The following KRT17 variants were observed in gnomAD, a reference collection of about 807,000 sequenced individuals.
The protein encoded by KRT17 is keratin 17, also known as keratin, type I cytoskeletal 17.
A neutral mutation model predicts 45.6 loss-of-function variants in KRT17; 29 were observed. The observed-to-expected ratio is 0.64, with a 90% CI of 0.47 to 0.87. The LOEUF is 0.87. KRT17 is among the 40% of genes least tolerant of loss of function. The pLI is 0.00. For missense variants in KRT17, 536 were observed against 577.8 expected, an observed-to-expected ratio of 0.93 and a Z score of 0.74; for synonymous variants, 219 against 234.6, an observed-to-expected ratio of 0.93 and a Z score of 0.61.
chr17:41,623,076 T>C (rs1274942595), intron 1 of KRT17, 44 bp from the exon 2 acceptor site: 1 of 1,434,990 alleles, frequency 7.0e-7, no homozygotes, highest in African/African-American at 1.4e-5. Context: ...TGGGGGTGGC[T>C]GAGCCCACAC....
At chr17:41,620,495 A>AT in intron 7 of KRT17, 41 bp downstream of exon 7, 1 of 1,611,710 alleles carries the variant, frequency 6.2e-7, no homozygotes, top group Non-Finnish European at 8.5e-7. Flanking sequence ...TGCCTGTCCC[A>AT]TGCACCCAAC....
rs58730926 is a variant in KRT17, at chr17:41,624,230, G to A, written c.280C>T (p.Arg94Cys). ...EKATMQNLND[R>C]LASYLDKVRA... is the part of the protein sequence containing the mutation. Reference sequence around the variant, plus strand: ...ACCTTGTCCAGGTAGGAGGCCAGGCGGTCATTGAGGTTCTGCATGGTGGCC... The same window carrying A: ...ACCTTGTCCAGGTAGGAGGCCAGGCAGTCATTGAGGTTCTGCATGGTGGCC... The change falls in exon 1 of 8, where the codon CGC (arginine) becomes TGC (cysteine). Residue 94 changes from arginine to cysteine, a missense_variant. Coordinates refer to ENST00000311208, the MANE Select transcript of KRT17 (RefSeq NM_000422.3). 1.9e-6 allele frequency: 3 copies of A among 1,612,620 alleles called. No individual in the cohort carries two copies. Among genetic ancestry groups the A allele is most frequent in the East Asian group, 4.5e-5 (2 of 44,870 alleles).
chr17:41,621,936 C>T, intron 3 of KRT17, 182 bp from the exon 4 acceptor site: 2 of 683,326 alleles, frequency 2.9e-6, no homozygotes, highest in South Asian at 1.8e-5. Flanking sequence ...CCATCAGACT[C>T]TATCTCCCCC....
chr17:41,620,069 C>T (rs1184457382), intron 7 of KRT17: 2 of 985,158 alleles, frequency 2.0e-6, no homozygotes, highest in African/African-American at 1.7e-5. Context: ...AAAACCAGGC[C>T]CCTATCTCCT....
Position 41,622,465 on chromosome 17 carries a change from T to C in KRT17, c.562A>G (p.Asn188Asp). 6.2e-7 allele frequency: 1 copy of C among 1,614,024 alleles called. No homozygotes were observed. The highest frequency in any genetic ancestry group is 8.5e-7 in the Non-Finnish European group (1 of 1,180,046). The change falls in exon 3 of 8, where the codon AAT becomes GAT. Residue 188 changes from asparagine (N) to aspartate (D), a missense_variant. By Grantham distance (23) the Asn-to-Asp change is conservative (BLOSUM62 1). Transcript: ENST00000311208. ...ALRLSVEADI[N>D]GLRRVLDELT... Reference sequence around the variant, plus strand: ...TCATCCAGCACCCTGCGCAGGCCATTGATGTCGGCCTCCACACTCAGGCGC... The same window carrying C: ...TCATCCAGCACCCTGCGCAGGCCATCGATGTCGGCCTCCACACTCAGGCGC...
In KRT17 at chr17:41,620,577, C is replaced by A. The variant is rs763260676; in HGVS notation, c.1182-19G>T. On this transcript the variant is annotated intron_variant, in intron 6 of 7. Coordinates refer to ENST00000311208, the MANE Select transcript of KRT17 (RefSeq NM_000422.3). ...AGTCAGGCTGAAAGAAAAAAAAAAA[C>A]AGAGAGGAAATTAGATGTGGGTCTG... is the stretch of plus-strand genomic sequence containing the variant. 2.5e-6 allele frequency: 4 copies of A among 1,597,686 alleles called. No individual in the cohort carries two copies. The highest frequency in any genetic ancestry group is 1.3e-5 in the African/African-American group (1 of 74,368).
Position 41,621,754 on chromosome 17 carries a change from C to G in KRT17, c.673G>C (p.Glu225Gln), listed in dbSNP as rs1173463099. The change falls in exon 4 of 8, where the codon GAG (glutamate) becomes CAG (glutamine). Residue 225 changes from glutamate to glutamine, a missense_variant and splice_region_variant. Transcript: ENST00000311208. ...ACCTGGCCTCGCAGGGCGTTCATCTCCTATGGAAAAAGGGGATGTGGATGT... is the reference window on the plus strand; with the variant it reads ...ACCTGGCCTCGCAGGGCGTTCATCTGCTATGGAAAAAGGGGATGTGGATGT... ...LAYLKKNHEE[E>Q]MNALRGQVGG... 6.2e-7 allele frequency: 1 copy of G among 1,612,018 alleles called. No individual in the cohort carries two copies. The highest frequency in any genetic ancestry group is 8.5e-7 in the Non-Finnish European group (1 of 1,179,862).
chr17:41,620,443 TG>T, intron 7 of KRT17, 92 bp downstream of exon 7: 1 of 1,610,274 alleles, frequency 6.2e-7, no homozygotes, highest in Non-Finnish European at 8.5e-7. Context: ...CATCAACTCC[TG>T]GAGCTCCTGG....
intron 4 of KRT17, 132 bp downstream of exon 4, chr17:41,621,461 G>T: frequency 8.8e-7 from 1 of 1,135,372 alleles, no homozygotes; most frequent in South Asian, 1.3e-5. Flanking sequence ...TGATGCAGTG[G>T]GTGACCCTGT....
chr17:41,619,545 G>A lies in KRT17; in HGVS notation c.*49C>T. The A allele has an allele frequency of 2.5e-6, 4 of 1,611,590 alleles. No homozygotes were observed. Among genetic ancestry groups the A allele is most frequent in the Non-Finnish European group, 3.4e-6 (4 of 1,179,828 alleles). On this transcript the variant is annotated 3_prime_UTR_variant, in exon 8 of 8. Transcript: ENST00000311208. The stretch of plus-strand genomic sequence containing the variant: ...AGGCCGGAGACTGTGGGGCAGATGG[G>A]GCGGCTGCCTCCCTGCCTCCTGGGT...
At position 41,620,426 on chromosome 17, in the gene KRT17, G is replaced by A; in HGVS notation, c.1204+110C>T. ...TAATGAGTCACTTCTCCCTGCTGAG[G>A]GACAGCCATCAACTCCTGGAGCTCC... On this transcript the variant is annotated intron_variant, in intron 7 of 7. Transcript: ENST00000311208. 3.1e-6 allele frequency: 5 copies of A among 1,608,412 alleles called. No homozygotes were observed. The South Asian group carries it at 4.4e-5, about 14-fold the overall frequency.
Position 41,624,246 on chromosome 17 carries a change from C to T in KRT17, c.264G>A (p.Met88Ile), listed in dbSNP as rs1205697518. The change falls in exon 1 of 8, where the codon ATG becomes ATA. Residue 88 changes from methionine (M) to isoleucine (I), a missense_variant. Physicochemically the swap from Met to Ile is conservative, Grantham distance 10. Transcript: ENST00000311208. ...AGGCCAGGCGGTCATTGAGGTTCTG[C>T]ATGGTGGCCTTCTCACCTCCAGCCA... ...GLLAGGEKAT[M>I]QNLNDRLASY... 5.6e-6 allele frequency: 9 copies of T among 1,612,640 alleles called. No homozygotes were observed. Among genetic ancestry groups the T allele is most frequent in the Non-Finnish European group, 7.6e-6 (9 of 1,180,024 alleles).
chr17:41,622,347 C>G lies in KRT17; in HGVS notation c.672+8G>C. 1 of 1,613,064 alleles carries G rather than the reference C, an allele frequency of 6.2e-7. No individual in the cohort carries two copies. Among genetic ancestry groups the G allele is most frequent in the Non-Finnish European group, 8.5e-7 (1 of 1,179,970 alleles). ...AGCATCTTTGACCTTCTGCCCCAGC[C>G]ACCTCACCTCCTCGTGGTTCTTCTT... On this transcript the variant is annotated splice_region_variant and intron_variant, in intron 3 of 7. Transcript: ENST00000311208.
intron 3 of KRT17, 87 bp downstream of exon 3, chr17:41,622,268 C>G: frequency 1.9e-6 from 3 of 1,553,518 alleles, no homozygotes; most frequent in East Asian, 2.2e-5. Context: ...CTGCTCTGCT[C>G]TCTCCCACGG....
chr17:41,620,160 T>C lies in KRT17; in HGVS notation c.1204+376A>G, dbSNP rs528583542. Reference sequence around the variant, plus strand: ...TTGGAGGACAAGGACCATGTCCCTATCTCCCATCAGGCTACAGACCCCAGA... The same window carrying C: ...TTGGAGGACAAGGACCATGTCCCTACCTCCCATCAGGCTACAGACCCCAGA... On this transcript the variant is annotated intron_variant, in intron 7 of 7. Transcript: ENST00000311208. 1.7e-5 allele frequency: 17 copies of C among 985,302 alleles called. No homozygotes were observed. In the East Asian group the frequency reaches 1.5e-3, roughly 85 times the overall value. 61.0% of individuals were successfully genotyped at this position (985,302 alleles called of 1,614,324 possible). A position where few individuals can be genotyped will look rare whatever the true frequency, so the allele number is the denominator to read the frequency against.
At position 41,624,563 on chromosome 17, in the gene KRT17, C is replaced by G. The variant is rs1312643004; in HGVS notation, c.-54G>C. ...GGAGAAGGGCTGGAGAGGAGAGGGG[C>G]CCCAAGTTGTGTAGGGCTGCCGGGG... On this transcript the variant is annotated 5_prime_UTR_variant, in exon 1 of 8. Transcript: ENST00000311208. 1.5e-5 allele frequency: 23 copies of G among 1,535,880 alleles called. No homozygotes were observed. The East Asian group carries it at 2.9e-4, about 20-fold the overall frequency.
intron 2 of KRT17, 122 bp from the exon 3 acceptor site, chr17:41,622,633 G>T (rs975835686): frequency 1.3e-5 from 15 of 1,176,328 alleles, no homozygotes; most frequent in East Asian, 2.5e-5. Context: ...TGAGAGGGTC[G>T]AGTGGAAACG....
intron 1 of KRT17, 50 bp downstream of exon 1, chr17:41,624,028 G>T (rs749111106): frequency 7.0e-5 from 112 of 1,611,040 alleles, no homozygotes; most frequent in Non-Finnish European, 9.3e-5. Context: ...GCAGGAGTTG[G>T]GGGGAAGAAG....
chr17:41,621,878 A>G, intron 3 of KRT17, 124 bp from the exon 4 acceptor site: 3 of 1,004,384 alleles, frequency 3.0e-6, no homozygotes, highest in East Asian at 2.6e-5. Flanking sequence ...CCTCTGCTCT[A>G]TCTGACCCTC....
Sources: gnomAD v4.1 joint callset for allele counts on GRCh38, gnomAD v4.1.1 for gene constraint, MANE v1.5 for transcripts, NCBI Gene and HGNC (gene_info 2026-07-23, HGNC 2026-07-21) for gene names.